RFWD3: variants seen among roughly 807,000 people sequenced by gnomAD.
RFWD3 encodes the protein ring finger and WD repeat domain 3.
RFWD3 carries 65 observed loss-of-function variants against 87.7 expected under a neutral mutation model. The observed-to-expected ratio is 0.74, with a 90% CI of 0.61 to 0.91. RFWD3 has a LOEUF of 0.91. Ranked by LOEUF, RFWD3 falls within the 40% of genes least tolerant of loss-of-function variation. RFWD3 has a pLI of 0.00. For missense variants in RFWD3, 1,078 were observed against 938.5 expected, an observed-to-expected ratio of 1.15 and a Z score of -1.94; for synonymous variants, 433 against 352.8, an observed-to-expected ratio of 1.23 and a Z score of -2.55.
chr16:74,648,448 C>T (rs1253922834), intron 4 of RFWD3, among the ~76,000 whole-genome samples: 1 of 150,976 alleles, frequency 6.6e-6, no homozygotes, highest in African/African-American at 2.4e-5. Flanking sequence ...AGCCACCGTG[C>T]CCAGCCAAAA....
chr16:74,634,043 A>G (rs1325494000), intron 8 of RFWD3, among the ~76,000 whole-genome samples: 1 of 152,142 alleles, frequency 6.6e-6, no homozygotes, highest in Non-Finnish European at 1.5e-5. Flanking sequence ...GGTGTATTAC[A>G]TATGTTAAAA....
chr16:74,628,214 T>C (rs1229047895), intron 11 of RFWD3, among the ~76,000 whole-genome samples: 1 of 152,194 alleles, frequency 6.6e-6, no homozygotes, highest in Admixed American at 6.5e-5. Context: ...AAGTGGCTAA[T>C]TCACTTCCAG....
At chr16:74,655,494 G>A (rs549302073) in intron 2 of RFWD3, among the ~76,000 whole-genome samples, 106 of 148,158 alleles carry the variant, frequency 7.2e-4, no homozygotes, top group Middle Eastern at 3.6e-3. Context: ...TGATTCGCCC[G>A]CCTCGGCCTC....
At chr16:74,629,861 C>G (rs755134235) in intron 10 of RFWD3, among the ~76,000 whole-genome samples, 8 of 152,148 alleles carry the variant, frequency 5.3e-5, no homozygotes, top group Non-Finnish European at 1.2e-4. Context: ...TTTTTGATAA[C>G]TTTATACCTA....
chr16:74,636,528 C>T lies in RFWD3; in HGVS notation c.1244G>A (p.Arg415Lys), dbSNP rs1405226739. The change falls in exon 8 of 13, where the codon AGG (arginine) becomes AAG (lysine). Residue 415 changes from arginine (R) to lysine (K), a missense_variant. By Grantham distance (26) the Arg-to-Lys change is conservative. Transcript: ENST00000361070. The stretch of plus-strand genomic sequence containing the variant: ...GCTCAGGACCCATGCTTGGGAGCCC[C>T]TGGGTTGCTGTAAATTCTGACTTTG... ...SHQSQNLQQP[R>K]GSQAWVLSCS... 3 of 1,613,912 alleles carry T rather than the reference C, an allele frequency of 1.9e-6. No homozygotes were observed. Among genetic ancestry groups the T allele is most frequent in the Admixed American group, 1.7e-5 (1 of 60,004 alleles).
At chr16:74,638,040 A>G in intron 6 of RFWD3, 70 bp from the exon 7 acceptor site, 3 of 958,764 alleles carry the variant, frequency 3.1e-6, no homozygotes, top group Admixed American at 3.9e-5. Context: ...CAGGTGGCAG[A>G]GTTAAGTTCA....
chr16:74,625,865 A>G (rs961599915), intron 12 of RFWD3, among the ~76,000 whole-genome samples: 1 of 152,000 alleles, frequency 6.6e-6, no homozygotes, highest in Non-Finnish European at 1.5e-5. Flanking sequence ...GGACAGTGCT[A>G]CTCTAGGCCT....
intron 11 of RFWD3, among the ~76,000 whole-genome samples, chr16:74,626,848 G>C (rs1958954737): frequency 2.0e-5 from 3 of 152,180 alleles, no homozygotes; most frequent in African/African-American, 7.2e-5. Flanking sequence ...AGTAAAATCA[G>C]TCTCCTGCCA....
chr16:74,665,029 G>A (rs890780236), intron 1 of RFWD3, among the ~76,000 whole-genome samples: 35 of 152,154 alleles, frequency 2.3e-4, no homozygotes, highest in African/African-American at 8.0e-4. Context: ...TGCTGTGAGC[G>A]GTGCTTAAAA....
intron 2 of RFWD3, among the ~76,000 whole-genome samples, chr16:74,655,680 C>T (rs1440419847): frequency 1.3e-5 from 2 of 151,302 alleles, no homozygotes; most frequent in South Asian, 2.1e-4. Flanking sequence ...AGTGCAGTGG[C>T]GCCTGGCTAA....
intron 11 of RFWD3, 58 bp downstream of exon 11, chr16:74,628,394 C>A: frequency 6.5e-7 from 1 of 1,530,454 alleles, no homozygotes; most frequent in South Asian, 1.1e-5. Flanking sequence ...AACCCTCCTT[C>A]CCTTTTCTCT....
chr16:74,628,477 C>A lies in RFWD3; in HGVS notation c.1944G>T (p.Arg648=), dbSNP rs1202917698. The A allele has an allele frequency of 6.2e-7, 1 of 1,614,042 alleles. No homozygotes were observed. The highest frequency in any genetic ancestry group is 1.3e-5 in the African/African-American group (1 of 74,904). The change falls in exon 11 of 13, where the codon CGG becomes CGT. Residue 648 remains arginine, a synonymous_variant. Coordinates refer to ENST00000361070, the MANE Select transcript of RFWD3 (RefSeq NM_018124.4). ...CIDFQTENSS[R]HCLVTYRPDK... is the part of the protein sequence containing the mutation. ...CAGGCCTGTAGGTCACAAGACAGTG[C>A]CGGGAGCTGTTCTCTGTCTGAAAGT...
In RFWD3 at chr16:74,628,659, G is replaced by C; in HGVS notation, c.1762C>G (p.Leu588Val). The change falls in exon 11 of 13, where the codon CTG (leucine) becomes GTG (valine). Residue 588 changes from leucine to valine, a missense_variant. Leu to Val is a conservative substitution (Grantham distance 32). Coordinates refer to ENST00000361070, the MANE Select transcript of RFWD3 (RefSeq NM_018124.4). Reference sequence around the variant, plus strand: ...CTGGGCATGTATGACAGGGAGACCAGTGGGCATCTGAAAGGAAAGTAAGGA... The same window carrying C: ...CTGGGCATGTATGACAGGGAGACCACTGGGCATCTGAAAGGAAAGTAAGGA... ...ELVAQKARCP[L>V]VSLSYMPRAA... The C allele has an allele frequency of 6.2e-7, 1 of 1,614,108 alleles. No individual in the cohort carries two copies. Among genetic ancestry groups the C allele is most frequent in the South Asian group, 1.1e-5 (1 of 91,080 alleles).
At chr16:74,665,589 G>A (rs1961818586) in intron 1 of RFWD3, among the ~76,000 whole-genome samples, 1 of 151,412 alleles carries the variant, frequency 6.6e-6, no homozygotes, top group African/African-American at 2.4e-5. Flanking sequence ...AAAAAAGAAA[G>A]AAAAAAGAAA....
intron 6 of RFWD3, among the ~76,000 whole-genome samples, chr16:74,639,537 A>G (rs1172166522): frequency 6.6e-6 from 1 of 152,230 alleles, no homozygotes; most frequent in Non-Finnish European, 1.5e-5. Context: ...AAAACAGTGA[A>G]CAAATGGAAG....
chr16:74,661,518 T>A, intron 1 of RFWD3, 67 bp from the exon 2 acceptor site: 1 of 1,307,806 alleles, frequency 7.6e-7, no homozygotes, highest in South Asian at 1.4e-5. Flanking sequence ...GGTGACAGAA[T>A]CATATTTAAT....
At chr16:74,662,582 T>C (rs553793125) in intron 1 of RFWD3, among the ~76,000 whole-genome samples, 120 of 152,122 alleles carry the variant, frequency 7.9e-4, no homozygotes, top group African/African-American at 2.7e-3. Flanking sequence ...AGAGTGAAAA[T>C]TGGGCTGAGG....
Position 74,630,838 on chromosome 16 carries a change from A to G in RFWD3, c.1697T>C (p.Val566Ala). ...ACTGCTCGTGTTTCGCACGTCATAT[A>G]CCAGAATTGAACCATTGGCCAGTCC... ...YAGLANGSIL[V>A]YDVRNTSSHV... The change falls in exon 10 of 13, where the codon GTA (valine) becomes GCA (alanine). Residue 566 changes from valine (V) to alanine (A), a missense_variant. By Grantham distance (64) the Val-to-Ala change is moderately conservative (BLOSUM62 0). Transcript: ENST00000361070. 2 of 1,613,912 alleles carry G rather than the reference A, an allele frequency of 1.2e-6. No homozygotes were observed. Among genetic ancestry groups the G allele is most frequent in the Non-Finnish European group, 8.5e-7 (1 of 1,179,944 alleles).
At chr16:74,646,793 C>T (rs1415480933) in intron 4 of RFWD3, among the ~76,000 whole-genome samples, 3 of 152,068 alleles carry the variant, frequency 2.0e-5, no homozygotes, top group Non-Finnish European at 4.4e-5. Flanking sequence ...CAAGATGAGA[C>T]CAGGCATGGT....
Sources: gnomAD v4.1 joint callset for allele counts (sites outside exome capture counted in the v4.1 genomes callset) on GRCh38, gnomAD v4.1.1 for gene constraint, MANE v1.5 for transcripts, NCBI Gene and HGNC (gene_info 2026-07-23, HGNC 2026-07-21) for gene names.